The following CACNA1C variants were observed in gnomAD, a reference collection of about 807,000 sequenced individuals.
CACNA1C encodes the protein calcium voltage-gated channel subunit alpha1 C, also known as voltage-dependent L-type calcium channel subunit alpha-1C.
In CACNA1C, 30 loss-of-function variants were observed where a neutral mutation model predicts 229.0. That is an observed-to-expected ratio of 0.13 (90% confidence interval 0.10 to 0.18). The LOEUF is 0.18. Ranked by LOEUF, CACNA1C falls within the 10% of genes least tolerant of loss-of-function variation. The pLI is 1.00. For missense variants in CACNA1C, 1,658 were observed against 2,845.0 expected (o/e 0.58, Z 9.49); for synonymous variants, 1,114 against 1,132.5 (o/e 0.98, Z 0.33).
intron 34 of CACNA1C, among the ~76,000 whole-genome samples, chr12:2,656,240 A>G (rs1569089806): frequency 6.6e-6 from 1 of 152,244 alleles, no homozygotes; most frequent in Non-Finnish European, 1.5e-5. Flanking sequence ...AATTCAGTAA[A>G]GTTGCAGGAC....
chr12:2,095,547 G>A (rs1478207875), intron 1 of CACNA1C, among the ~76,000 whole-genome samples: 1 of 152,182 alleles, frequency 6.6e-6, no homozygotes, highest in Non-Finnish European at 1.5e-5. Context: ...TTGAGGCTGC[G>A]GGAGAATCCG....
At chr12:2,267,108 G>C (rs1015183521) in intron 3 of CACNA1C, among the ~76,000 whole-genome samples, 1 of 152,160 alleles carries the variant, frequency 6.6e-6, no homozygotes, top group Non-Finnish European at 1.5e-5. Context: ...GAGAGCAGGG[G>C]TTCTACGGGT....
chr12:2,487,433 A>G (rs1057509173), intron 6 of CACNA1C, among the ~76,000 whole-genome samples: 1 of 147,846 alleles, frequency 6.8e-6, no homozygotes, highest in African/African-American at 2.5e-5. Context: ...AATACTTTCT[A>G]TGTATGATCT....
Position 2,380,012 on chromosome 12 carries a change from C to T in CACNA1C, c.478-68964C>T, listed in dbSNP as rs1273564389. On this transcript the variant is annotated intron_variant, in intron 3 of 46. Coordinates refer to ENST00000399655, the MANE Select transcript of CACNA1C (RefSeq NM_000719.7). ...CGCCACTGCACTCCAGCCTGGGCGA[C>T]AGAGCGAGACTCCGTCTCAAAAAAA... is the stretch of plus-strand genomic sequence containing the variant. 2.9e-5 allele frequency among the ~76,000 whole-genome samples: 3 copies of T among 104,388 alleles called. No individual in the cohort carries two copies. The Admixed American group carries it at 3.0e-4, about 10-fold the overall frequency. The allele number at this position is 104,388 out of a possible 152,430, so 68.5% of individuals were successfully genotyped here.
intron 3 of CACNA1C, among the ~76,000 whole-genome samples, chr12:2,412,558 T>C (rs1208433453): frequency 6.6e-6 from 1 of 152,232 alleles, no homozygotes; most frequent in Non-Finnish European, 1.5e-5. Context: ...AGAAAGCACA[T>C]TGAGCTGCGA....
intron 13 of CACNA1C, among the ~76,000 whole-genome samples, chr12:2,578,062 G>C (rs2154594432): frequency 6.6e-6 from 1 of 151,880 alleles, no homozygotes; most frequent in East Asian, 1.9e-4. Flanking sequence ...TAGAGACGGG[G>C]TTTCACCGTG....
chr12:2,459,121 T>C (rs1488935039), intron 5 of CACNA1C, among the ~76,000 whole-genome samples: 1 of 150,766 alleles, frequency 6.6e-6, no homozygotes, highest in African/African-American at 2.4e-5. Context: ...TACCTGGGAC[T>C]ACAGGTGCTT....
At position 2,319,162 on chromosome 12, in the gene CACNA1C, A is replaced by G. The variant is rs2095842660; in HGVS notation, c.478-129814A>G. Among the ~76,000 whole-genome samples, 1 of 152,010 alleles carries G rather than the reference A, an allele frequency of 6.6e-6. No homozygotes were observed. Among genetic ancestry groups the G allele is most frequent in the African/African-American group, 2.4e-5 (1 of 41,366 alleles). On this transcript the variant is annotated intron_variant, in intron 3 of 46. Transcript: ENST00000399655. The surrounding 1 kb of genome is among the most constrained non-coding windows in gnomAD (Gnocchi z 4.0). ...TACCTGTCACCTGTCCTGGGCAGGC[A>G]GGGGTCCCCACATATCACTGCACCC...
chr12:2,230,161 ACCTGGAG>A, intron 3 of CACNA1C, among the ~76,000 whole-genome samples: 1 of 152,100 alleles, frequency 6.6e-6, no homozygotes, highest in African/African-American at 2.4e-5. Flanking sequence ...CGGGGCTGCG[ACCTGGAG>A]CCGCGGGCAG....
At chr12:2,218,988 G>A (rs773179337) in intron 3 of CACNA1C, among the ~76,000 whole-genome samples, 20 of 152,192 alleles carry the variant, frequency 1.3e-4, no homozygotes, top group Non-Finnish European at 2.5e-4. Flanking sequence ...CTGTCAGTTT[G>A]TAAATCTGGG....
intron 3 of CACNA1C, among the ~76,000 whole-genome samples, chr12:2,433,662 G>T (rs2099108103): frequency 7.9e-6 from 1 of 125,958 alleles, no homozygotes; most frequent in Non-Finnish European, 1.8e-5. Context: ...TCCCTCCATT[G>T]CCTACAGACA....
intron 3 of CACNA1C, among the ~76,000 whole-genome samples, chr12:2,161,456 A>C (rs535360354): frequency 6.6e-6 from 1 of 152,240 alleles, no homozygotes; most frequent in South Asian, 2.1e-4. Flanking sequence ...GGGCTGGTGG[A>C]GGTGCCGGTG....
chr12:2,371,080 A>T (rs1302072559), intron 3 of CACNA1C, among the ~76,000 whole-genome samples: 1 of 152,208 alleles, frequency 6.6e-6, no homozygotes, highest in Non-Finnish European at 1.5e-5. Flanking sequence ...GGGGCAATGG[A>T]ATAGCTGATT....
At chr12:2,171,266 A>G (rs951489772) in intron 3 of CACNA1C, among the ~76,000 whole-genome samples, 27 of 152,280 alleles carry the variant, frequency 1.8e-4, no homozygotes, top group Admixed American at 3.9e-4. Flanking sequence ...GAACTGAGCA[A>G]ACTGGCCCCG....
chr12:2,100,627 C>T (rs1329834798), intron 1 of CACNA1C, among the ~76,000 whole-genome samples: 3 of 147,834 alleles, frequency 2.0e-5, no homozygotes, highest in African/African-American at 7.5e-5. Context: ...CACGGTGACT[C>T]ATGCCTGTAG....
chr12:2,011,555 C>T (rs565373860), intron 1 of CACNA1C, among the ~76,000 whole-genome samples: 6 of 152,178 alleles, frequency 3.9e-5, no homozygotes, highest in Non-Finnish European at 7.3e-5. Context: ...AAGAGTGCTA[C>T]GCAGCTACGG....
At chr12:2,356,870 G>A (rs2097380206) in intron 3 of CACNA1C, among the ~76,000 whole-genome samples, 1 of 152,224 alleles carries the variant, frequency 6.6e-6, no homozygotes, top group African/African-American at 2.4e-5. Context: ...GGCACAGAGA[G>A]ATTGTGTTGC....
intron 28 of CACNA1C, 46 bp from the exon 29 acceptor site, chr12:2,611,857 G>A (rs748204193): frequency 1.5e-5 from 19 of 1,234,492 alleles, no homozygotes; most frequent in East Asian, 2.3e-5. Flanking sequence ...GAGGAGGAGC[G>A]ACCTCCCTGC....
chr12:2,090,938 G>A (rs2070573017), intron 1 of CACNA1C, among the ~76,000 whole-genome samples: 1 of 152,170 alleles, frequency 6.6e-6, no homozygotes, highest in African/African-American at 2.4e-5. Context: ...ATCCTAATGG[G>A]TGTGAAGTGA....
Sources: gnomAD v4.1 joint callset for allele counts (sites outside exome capture counted in the v4.1 genomes callset) on GRCh38, gnomAD v4.1.1 for gene constraint, Gnocchi (gnomAD v3.1) non-coding constraint, MANE v1.5 for transcripts, NCBI Gene and HGNC (gene_info 2026-07-23, HGNC 2026-07-21) for gene names.